Variants in GNG4 observed in about 807,000 individuals in gnomAD.
GNG4 encodes the protein G protein subunit gamma 4, also known as guanine nucleotide-binding protein G(I)/G(S)/G(O) subunit gamma-4.
GNG4 carries 4 observed loss-of-function variants against 5.8 expected under a neutral mutation model. The ratio of observed to expected loss-of-function variants is 0.69; its 90% CI spans 0.34 to 1.57. GNG4 has a LOEUF of 1.57. Ranked by LOEUF, GNG4 falls within the 40% of genes most tolerant of loss-of-function variation. The pLI, the probability that GNG4 is intolerant of heterozygous loss-of-function variation, is 0.06. For missense variants in GNG4, 96 were observed against 95.1 expected (o/e 1.01, Z -0.04); for synonymous variants, 29 against 32.9 (o/e 0.88, Z 0.41).
intron 2 of GNG4, among the ~76,000 whole-genome samples, chr1:235,587,623 ATG>A (rs1362907937): frequency 0.015 from 10 of 646 alleles, no homozygotes; most frequent in East Asian, 0.17. Context: ...GGGTGTGTGA[ATG>A]TGGGGTGGAG....
At chr1:235,638,837 A>C (rs1431748613) in intron 1 of GNG4, among the ~76,000 whole-genome samples, 6 of 151,446 alleles carry the variant, frequency 4.0e-5, no homozygotes, top group Non-Finnish European at 5.9e-5. Context: ...ACATGAACTC[A>C]TTCTTTTTTA....
Position 235,613,639 on chromosome 1 carries a change from G to C in GNG4, c.-122-18128C>G, listed in dbSNP as rs114166156. Among the ~76,000 whole-genome samples, 1,457 of 152,256 alleles carry C rather than the reference G, an allele frequency of 9.6e-3. 19 individuals carry two copies. Among genetic ancestry groups the C allele is most frequent in the Middle Eastern group, 0.054 (16 of 294 alleles). ...TCTAGAAGCTGGAAAAGGCAAGAAG[G>C]ATTTTCTCCTGGTGTTTCCTGAAGA... On this transcript the variant is annotated intron_variant, in intron 1 of 3. Transcript: ENST00000391854.
intron 3 of GNG4, among the ~76,000 whole-genome samples, chr1:235,576,352 G>A (rs552301737): frequency 6.4e-4 from 97 of 152,138 alleles, no homozygotes; most frequent in African/African-American, 2.2e-3. Context: ...GTGAGCCACC[G>A]CGCCCAACCA....
At chr1:235,616,609 C>T (rs928140400) in intron 1 of GNG4, among the ~76,000 whole-genome samples, 6 of 152,218 alleles carry the variant, frequency 3.9e-5, no homozygotes, top group Admixed American at 2.6e-4. Flanking sequence ...GGTAGTACCT[C>T]TCACCCTCTC....
chr1:235,591,777 G>T (rs972028024), intron 2 of GNG4, among the ~76,000 whole-genome samples: 1 of 152,226 alleles, frequency 6.6e-6, no homozygotes, highest in Non-Finnish European at 1.5e-5. Flanking sequence ...GCTTAGGGGT[G>T]GCACCTGGGG....
intron 1 of GNG4, among the ~76,000 whole-genome samples, chr1:235,602,592 C>G (rs1688280347): frequency 6.6e-6 from 1 of 152,202 alleles, no homozygotes; most frequent in South Asian, 2.1e-4. Flanking sequence ...TACTGGATGG[C>G]TGCCTTGAAA....
chr1:235,559,780 C>T lies in GNG4; in HGVS notation c.100-7543G>A, dbSNP rs142889615. Among the ~76,000 whole-genome samples the T allele has an allele frequency of 5.3e-5, 8 of 152,340 alleles. No individual in the cohort carries two copies. In the East Asian group the frequency reaches 1.5e-3, roughly 29 times the overall value. Reference sequence around the variant, plus strand: ...CAAATGTCCATAGCAGCAGACTAGCCACTGTTAACTACTTTCAGCATAGGC... The same window carrying T: ...CAAATGTCCATAGCAGCAGACTAGCTACTGTTAACTACTTTCAGCATAGGC... On this transcript the variant is annotated intron_variant, in intron 3 of 3. Transcript: ENST00000391854.
rs1688118862 is a variant in GNG4, at chr1:235,596,205, A to AAACT, written c.-122-695_-122-694insAGTT. The stretch of plus-strand genomic sequence containing the variant: ...AAAAACAAAACAAAAACAAACAAAC[A>AAACT]AAATACACACACACACACACACACA... On this transcript the variant is annotated intron_variant, in intron 1 of 3. Coordinates refer to ENST00000391854, the MANE Select transcript of GNG4 (RefSeq NM_001098722.2). 3.8e-5 allele frequency among the ~76,000 whole-genome samples: 4 copies of AAACT among 105,396 alleles called. No individual in the cohort carries two copies. In the East Asian group the frequency reaches 1.4e-3, roughly 37 times the overall value. 69.1% of individuals were successfully genotyped at this position (105,396 alleles called of 152,430 possible).
chr1:235,628,423 G>T lies in GNG4; in HGVS notation c.-123+21239C>A, dbSNP rs538105297. Among the ~76,000 whole-genome samples, 45 of 151,900 alleles carry T rather than the reference G, an allele frequency of 3.0e-4. 1 individual carries two copies. The highest frequency in any genetic ancestry group is 4.6e-4 in the African/African-American group (19 of 41,328). Reference sequence around the variant, plus strand: ...CAAAGCCTTGTTAGGAGACGGGGGGGGGTTACAAGACCCTAGAACAAAATG... The same window carrying T: ...CAAAGCCTTGTTAGGAGACGGGGGGTGGTTACAAGACCCTAGAACAAAATG... On this transcript the variant is annotated intron_variant, in intron 1 of 3. Transcript: ENST00000391854.
At chr1:235,643,389 C>T (rs1191116431) in intron 1 of GNG4, among the ~76,000 whole-genome samples, 2 of 152,196 alleles carry the variant, frequency 1.3e-5, no homozygotes, top group East Asian at 3.9e-4. Context: ...GCACTGCTAT[C>T]AGAAAGAACT....
At chr1:235,597,350 G>A (rs1220208628) in intron 1 of GNG4, among the ~76,000 whole-genome samples, 1 of 152,142 alleles carries the variant, frequency 6.6e-6, no homozygotes, top group African/African-American at 2.4e-5. Context: ...GTTGTGCTTG[G>A]TGCATTTTTC....
intron 2 of GNG4, among the ~76,000 whole-genome samples, chr1:235,592,773 C>T (rs960534174): frequency 6.6e-6 from 1 of 152,186 alleles, no homozygotes; most frequent in Non-Finnish European, 1.5e-5. Flanking sequence ...AATGTACCTC[C>T]GACTTTAAAA....
At chr1:235,624,758 AAAG>A (rs1688776298) in intron 1 of GNG4, among the ~76,000 whole-genome samples, 2 of 152,158 alleles carry the variant, frequency 1.3e-5, no homozygotes, top group Admixed American at 1.3e-4. Flanking sequence ...AAGACAGATC[AAAG>A]AAGGTTTCCT....
intron 3 of GNG4, chr1:235,566,706 C>T (rs573002189): frequency 5.8e-4 from 89 of 152,588 alleles, no homozygotes; most frequent in East Asian, 1.2e-3. Flanking sequence ...CTAATGAGAA[C>T]GGGGATGCTA....
intron 1 of GNG4, among the ~76,000 whole-genome samples, chr1:235,623,649 C>T (rs1688752781): frequency 6.6e-6 from 1 of 152,206 alleles, no homozygotes; most frequent in African/African-American, 2.4e-5. Context: ...ACCTATTCCA[C>T]TCCCATACCT....
intron 2 of GNG4, among the ~76,000 whole-genome samples, chr1:235,590,441 T>C (rs577583271): frequency 6.6e-6 from 1 of 150,682 alleles, no homozygotes; most frequent in African/African-American, 2.4e-5. Flanking sequence ...GGTGACAGAG[T>C]GAGACTGTCT....
chr1:235,636,778 A>C (rs935158294), intron 1 of GNG4, among the ~76,000 whole-genome samples: 4 of 152,112 alleles, frequency 2.6e-5, no homozygotes, highest in African/African-American at 4.8e-5. Context: ...CCTGGGAGGG[A>C]CACATCGGAA....
intron 3 of GNG4, among the ~76,000 whole-genome samples, chr1:235,572,885 G>T (rs183639119): frequency 3.0e-4 from 45 of 152,210 alleles, no homozygotes; most frequent in African/African-American, 8.4e-4. Flanking sequence ...TGTAGTGCCT[G>T]ACAGTATATA....
At chr1:235,597,593 TG>T in intron 1 of GNG4, among the ~76,000 whole-genome samples, 1 of 68,988 alleles carries the variant, frequency 1.4e-5, no homozygotes, top group Non-Finnish European at 3.6e-5. Context: ...GTTTGCTGTG[TG>T]TGTGTGTGTG....
Sources: allele counts gnomAD v4.1 joint callset (sites outside exome capture counted in the v4.1 genomes callset), GRCh38; gene constraint gnomAD v4.1.1; transcripts MANE v1.5; gene names NCBI Gene and HGNC (gene_info 2026-07-23, HGNC 2026-07-21).